Variants in ZNF469 observed in about 807,000 individuals in gnomAD.
ZNF469 encodes zinc finger protein 469.
Under a neutral mutation model 1.0 loss-of-function variants are expected in ZNF469, and 1 was observed. The ratio of observed to expected loss-of-function variants is 1.00; its 90% CI spans 0.35 to 4.73. ZNF469 has a LOEUF of 4.73. Among genes scored for constraint, ZNF469 ranks in the 30% most tolerant of loss-of-function variants. ZNF469 has a pLI of 0.16. For synonymous variants in ZNF469, 2,703 were observed against 2,363.4 expected (o/e 1.14, Z -4.17); for missense variants, 6,100 against 5,356.3 (o/e 1.14, Z -4.33).
At chr16:88,143,356 G>A in the ZNF469 span, among the ~76,000 whole-genome samples, 10 of 152,346 alleles carry the variant, frequency 6.6e-5, no homozygotes, top group East Asian at 5.8e-4. Context: ...CACTCAGAGC[G>A]GGGTGGAGCG....
the ZNF469 span, chr16:88,177,498 G>A: frequency 3.3e-5 from 5 of 152,080 alleles, no homozygotes; most frequent in African/African-American, 1.2e-4. The surrounding 1 kb of genome is among the most constrained non-coding windows in gnomAD (Gnocchi z 4.8). Flanking sequence ...AAAGTTACTC[G>A]GAAAGAAAAA....
chr16:88,244,225 A>G, the ZNF469 span, among the ~76,000 whole-genome samples: 2 of 127,144 alleles, frequency 1.6e-5, no homozygotes, highest in Admixed American at 1.6e-4. Context: ...GCATGCATGG[A>G]TGGGTGGGTG....
At chr16:88,343,984 G>A in the ZNF469 span, among the ~76,000 whole-genome samples, 1 of 152,146 alleles carries the variant, frequency 6.6e-6, no homozygotes, top group East Asian at 1.9e-4. Flanking sequence ...TTTTGATGGT[G>A]TGGATCCTGG....
chr16:88,120,251 C>T, the ZNF469 span, among the ~76,000 whole-genome samples: 4 of 152,222 alleles, frequency 2.6e-5, no homozygotes, highest in African/African-American at 9.6e-5. Context: ...CCACTGCCTG[C>T]CTCAGCAGAG....
the ZNF469 span, among the ~76,000 whole-genome samples, chr16:88,140,866 G>C: frequency 7.9e-5 from 12 of 152,202 alleles, no homozygotes; most frequent in African/African-American, 2.9e-4. Flanking sequence ...CCAGGAGGCG[G>C]AGGTTGCAGT....
the ZNF469 span, among the ~76,000 whole-genome samples, chr16:88,316,450 T>C: frequency 6.6e-6 from 1 of 151,994 alleles, no homozygotes; most frequent in Admixed American, 6.5e-5. Flanking sequence ...GGTGATGTGA[T>C]CTGACATGCA....
Position 88,428,133 on chromosome 16 carries a change from C to T in ZNF469, c.663C>T (p.Pro221=), listed in dbSNP as rs370275746. 12 of 1,549,966 alleles carry T rather than the reference C, an allele frequency of 7.7e-6. No homozygotes were observed. The highest frequency in any genetic ancestry group is 7.3e-5 in the East Asian group (3 of 40,914). The change falls in exon 3 of 3, where the codon CCC becomes CCT. Residue 221 remains proline, a synonymous_variant. Transcript: ENST00000565624. ...GCAGGGGCACCAGCCCCCTCCAGCC[C>T]GGTTCCTATCCCGAATACCAGGCCA... ...PQSRGTSPLQ[P]GSYPEYQASG... is the part of the protein sequence containing the mutation.
chr16:88,364,255 C>G, the ZNF469 span, among the ~76,000 whole-genome samples: 1 of 152,152 alleles, frequency 6.6e-6, no homozygotes, highest in Non-Finnish European at 1.5e-5. Context: ...GCACCTTTGT[C>G]ATCAACCAGG....
chr16:88,197,608 G>A, the ZNF469 span, among the ~76,000 whole-genome samples: 3 of 152,158 alleles, frequency 2.0e-5, no homozygotes, highest in Non-Finnish European at 2.9e-5. Context: ...AGCAGCTGCT[G>A]CCTCAACACT....
chr16:88,400,413 C>T (rs1904820932), intron 1 of ZNF469, among the ~76,000 whole-genome samples: 1 of 152,244 alleles, frequency 6.6e-6, no homozygotes, highest in South Asian at 2.1e-4. Context: ...TGCCGGCTCA[C>T]ACCTGTCAGA....
chr16:88,290,486 G>T, the ZNF469 span, among the ~76,000 whole-genome samples: 1 of 152,152 alleles, frequency 6.6e-6, no homozygotes, highest in Non-Finnish European at 1.5e-5. Context: ...CCATGTTCAG[G>T]TTCACACAAT....
At position 88,431,229 on chromosome 16, in the gene ZNF469, G is replaced by A. The variant is rs543669472; in HGVS notation, c.3759G>A (p.Ala1253=). The change falls in exon 3 of 3, where the codon GCG becomes GCA. Residue 1253 remains alanine (A), a synonymous_variant. Coordinates refer to ENST00000565624, the MANE Select transcript of ZNF469 (RefSeq NM_001367624.2). ...EALRSPPAAC[A]GEMGASPGLL... ...TGCGTTCTCCTCCAGCCGCCTGTGC[G>A]GGAGAAATGGGAGCAAGCCCCGGTC... 7.7e-6 allele frequency: 12 copies of A among 1,550,366 alleles called. No homozygotes were observed. Among genetic ancestry groups the A allele is most frequent in the Non-Finnish European group, 1.0e-5 (12 of 1,146,970 alleles).
At chr16:88,423,014 T>C (rs1436111824) in intron 1 of ZNF469, among the ~76,000 whole-genome samples, 2 of 147,646 alleles carry the variant, frequency 1.4e-5, no homozygotes, top group Non-Finnish European at 3.0e-5. Context: ...AATGGGTGAG[T>C]GGGTGGGTAT....
chr16:88,144,475 C>A, the ZNF469 span, among the ~76,000 whole-genome samples: 5 of 152,208 alleles, frequency 3.3e-5, no homozygotes, highest in Non-Finnish European at 7.3e-5. Context: ...TCACGTCCCT[C>A]CAGCCACCCC....
At chr16:88,298,114 C>T in the ZNF469 span, among the ~76,000 whole-genome samples, 1,366 of 152,296 alleles carry the variant, frequency 9.0e-3, 14 homozygotes, top group Admixed American at 0.012. Context: ...GATGTAACCC[C>T]GCCATCCTCT....
rs1905827789 is a variant in ZNF469, at chr16:88,428,114, G to A, written c.644G>A (p.Gly215Asp). The part of the protein sequence containing the change: ...PPAPGPPQSR[G>D]TSPLQPGSYP... ...GCCCCGGGGCCCCCCCAGAGCAGGG[G>A]CACCAGCCCCCTCCAGCCCGGTTCC... The change falls in exon 3 of 3, where the codon GGC (glycine) becomes GAC (aspartate). Residue 215 changes from glycine to aspartate, a missense_variant. Coordinates refer to ENST00000565624, the MANE Select transcript of ZNF469 (RefSeq NM_001367624.2). The A allele has an allele frequency of 3.9e-6, 6 of 1,549,686 alleles. No homozygotes were observed. Among genetic ancestry groups the A allele is most frequent in the Non-Finnish European group, 5.2e-6 (6 of 1,146,788 alleles).
the ZNF469 span, chr16:88,234,879 G>T: frequency 6.6e-6 from 1 of 152,062 alleles, no homozygotes; most frequent in Non-Finnish European, 1.5e-5. Flanking sequence ...AGGAAGGGAG[G>T]AAAACAGGAA....
the ZNF469 span, among the ~76,000 whole-genome samples, chr16:88,230,790 C>A: frequency 2.6e-5 from 4 of 152,210 alleles, no homozygotes; most frequent in African/African-American, 9.6e-5. Context: ...CCGCAGTCCC[C>A]ACCCGCTGCT....
At chr16:88,221,259 G>T in the ZNF469 span, among the ~76,000 whole-genome samples, 18 of 152,234 alleles carry the variant, frequency 1.2e-4, no homozygotes, top group African/African-American at 3.9e-4. Context: ...GCTAGCCGTG[G>T]CTTCCTCATC....
Sources: gnomAD v4.1 joint callset for allele counts (sites outside exome capture counted in the v4.1 genomes callset) on GRCh38, gnomAD v4.1.1 for gene constraint, Gnocchi (gnomAD v3.1) non-coding constraint, MANE v1.5 for transcripts, NCBI Gene and HGNC (gene_info 2026-07-23, HGNC 2026-07-21) for gene names.